GNS: variants seen among roughly 807,000 people sequenced by gnomAD.
GNS encodes the protein glucosamine (N-acetyl)-6-sulfatase.
Under a neutral mutation model 69.7 loss-of-function variants are expected in GNS, and 40 were observed. The ratio of observed to expected loss-of-function variants is 0.57; its 90% CI spans 0.45 to 0.75. The LOEUF (loss-of-function observed/expected upper bound fraction) is 0.75. GNS is among the 30% of genes least tolerant of loss of function. GNS has a pLI of 0.00. For missense variants in GNS, 565 were observed against 685.5 expected (o/e 0.82, Z 1.96); for synonymous variants, 243 against 251.6 (o/e 0.97, Z 0.32).
rs1028132338 is a variant in GNS, at chr12:64,743,283, T to C, written c.650A>G (p.Asp217Gly). 2.5e-6 allele frequency: 4 copies of C among 1,612,852 alleles called. No individual in the cohort carries two copies. Among genetic ancestry groups the C allele is most frequent in the Non-Finnish European group, 3.4e-6 (4 of 1,178,892 alleles). The part of the protein sequence containing the change: ...VLANVSLDFL[D>G]YKSNFEPFFM... ...GAAGGGCTCAAAGTTGGACTTGTAG[T>C]CCAGAAAGTCCAAGGAGACATTAGC... Residue 217 changes from aspartate (D) to glycine (G), a missense_variant, in exon 6 of 14, where the codon GAC becomes GGC. Around this residue, in one of 2 missense-constraint regions of GNS, gnomAD observed 384 missense variants for 511.0 expected, o/e 0.75. Coordinates refer to ENST00000258145, the MANE Select transcript of GNS (RefSeq NM_002076.4).
intron 8 of GNS, among the ~76,000 whole-genome samples, chr12:64,738,169 C>G (rs1034794218): frequency 6.6e-6 from 1 of 152,138 alleles, no homozygotes; most frequent in Non-Finnish European, 1.5e-5. Context: ...GCCACCACAC[C>G]TGGCTAATTT....
chr12:64,720,763 C>T (rs935038293), intron 12 of GNS, among the ~76,000 whole-genome samples: 4 of 152,168 alleles, frequency 2.6e-5, no homozygotes, highest in African/African-American at 9.7e-5. Flanking sequence ...GTACTTTTCC[C>T]TCTATAATCT....
chr12:64,751,221 T>C (rs1248903829), intron 2 of GNS, among the ~76,000 whole-genome samples: 1 of 152,238 alleles, frequency 6.6e-6, no homozygotes, highest in Non-Finnish European at 1.5e-5. Flanking sequence ...TAATTATGAA[T>C]GAGATATTTT....
Position 64,759,382 on chromosome 12 carries a change from T to G in GNS, c.-106A>C. The G allele has an allele frequency of 1.3e-6, 1 of 742,976 alleles. No individual in the cohort carries two copies. Among genetic ancestry groups the G allele is most frequent in the Non-Finnish European group, 2.1e-6 (1 of 468,900 alleles). The allele number at this position is 742,976 out of a possible 1,614,324, so 46.0% of individuals were successfully genotyped here. ...GCCGAAGGAATAAAAAGCCGTGCCT[T>G]GAAGGCCGGTGGCTGGAGTCAGACG... On this transcript the variant is annotated 5_prime_UTR_variant, in exon 1 of 14. Coordinates refer to ENST00000258145, the MANE Select transcript of GNS (RefSeq NM_002076.4).
chr12:64,716,704 C>T lies in GNS; in HGVS notation c.*37G>A, dbSNP rs142001509. 3.2e-5 allele frequency: 39 copies of T among 1,225,562 alleles called. No homozygotes were observed. Among genetic ancestry groups the T allele is most frequent in the East Asian group, 1.2e-4 (5 of 43,162 alleles). The allele number at this position is 1,225,562 out of a possible 1,614,324, so 75.9% of individuals were successfully genotyped here. ...CTACAATCACTTCATCAGAAAGAGG[C>T]GTGCAGGGATCCATCTGCAGAGGCT... On this transcript the variant is annotated 3_prime_UTR_variant, in exon 14 of 14. Coordinates refer to ENST00000258145, the MANE Select transcript of GNS (RefSeq NM_002076.4).
chr12:64,729,122 T>C, intron 9 of GNS, 65 bp from the exon 10 acceptor site: 1 of 859,518 alleles, frequency 1.2e-6, no homozygotes, highest in Non-Finnish European at 2.0e-6. Flanking sequence ...CTACCTATAC[T>C]AAAGTTCTCT....
At chr12:64,731,980 A>T (rs911752637) in intron 9 of GNS, among the ~76,000 whole-genome samples, 1 of 151,922 alleles carries the variant, frequency 6.6e-6, no homozygotes, top group Admixed American at 6.6e-5. Flanking sequence ...AGCTTTGACA[A>T]GACCAAAAAT....
At position 64,722,927 on chromosome 12, in the gene GNS, A is replaced by G. The variant is rs184014046; in HGVS notation, c.1308+79T>C. On this transcript the variant is annotated intron_variant, in intron 11 of 13. Coordinates refer to ENST00000258145, the MANE Select transcript of GNS (RefSeq NM_002076.4). The stretch of plus-strand genomic sequence containing the variant: ...AACAGGACTCAGATGAAAGGTTTCA[A>G]TATTTGACACATGGCAACCAGCACC... 98 of 866,498 alleles carry G rather than the reference A, an allele frequency of 1.1e-4. No individual in the cohort carries two copies. The African/African-American group carries it at 1.4e-3, about 12-fold the overall frequency. 53.7% of individuals were successfully genotyped at this position (866,498 alleles called of 1,614,324 possible).
chr12:64,759,400 G>A lies in GNS; in HGVS notation c.-124C>T. 9.0e-6 allele frequency: 6 copies of A among 667,748 alleles called. No homozygotes were observed. The highest frequency in any genetic ancestry group is 2.8e-5 in the East Asian group (1 of 36,212). 41.4% of individuals were successfully genotyped at this position (667,748 alleles called of 1,614,324 possible). ...CGTGCCTTGAAGGCCGGTGGCTGGA[G>A]TCAGACGTTTTCTCCCTAGGCGCGA... On this transcript the variant is annotated 5_prime_UTR_variant, in exon 1 of 14. Transcript: ENST00000258145.
intron 11 of GNS, among the ~76,000 whole-genome samples, chr12:64,722,329 T>C (rs1271119314): frequency 6.6e-6 from 1 of 152,150 alleles, no homozygotes; most frequent in Non-Finnish European, 1.5e-5. Flanking sequence ...AAATGACTCA[T>C]TTCTAAGAGC....
At chr12:64,758,610 A>G (rs2136258466) in intron 1 of GNS, among the ~76,000 whole-genome samples, 1 of 152,136 alleles carries the variant, frequency 6.6e-6, no homozygotes, top group Admixed American at 6.5e-5. Flanking sequence ...TGAGTGACAC[A>G]CCGCGCCCGG....
intron 10 of GNS, among the ~76,000 whole-genome samples, chr12:64,725,537 T>C (rs1455112555): frequency 1.3e-5 from 2 of 152,206 alleles, no homozygotes; most frequent in Non-Finnish European, 2.9e-5. Context: ...ACATGGCTAA[T>C]TAACTGTTCT....
chr12:64,735,231 G>A (rs936149264), intron 9 of GNS, among the ~76,000 whole-genome samples: 6 of 152,222 alleles, frequency 3.9e-5, no homozygotes, highest in African/African-American at 1.2e-4. Context: ...GAACTATAAT[G>A]TAATGGTTAA....
chr12:64,749,315 C>T (rs866518052), intron 2 of GNS, among the ~76,000 whole-genome samples: 26 of 135,780 alleles, frequency 1.9e-4, no homozygotes, highest in African/African-American at 5.4e-4. Flanking sequence ...TGCAGTGGCG[C>T]GATCTCAGCT....
chr12:64,726,014 A>G (rs1314540136), intron 10 of GNS, among the ~76,000 whole-genome samples: 6 of 150,870 alleles, frequency 4.0e-5, no homozygotes, highest in Non-Finnish European at 8.9e-5. Flanking sequence ...AAAAAAAAAA[A>G]AAAAAAAGAA....
At chr12:64,731,372 C>G in intron 9 of GNS, among the ~76,000 whole-genome samples, 1 of 152,214 alleles carries the variant, frequency 6.6e-6, no homozygotes, top group Non-Finnish European at 1.5e-5. Flanking sequence ...CCACTGCACC[C>G]AGCCGAGGCT....
At chr12:64,756,064 A>G (rs1477012275) in intron 1 of GNS, among the ~76,000 whole-genome samples, 1 of 152,232 alleles carries the variant, frequency 6.6e-6, no homozygotes, top group African/African-American at 2.4e-5. Context: ...AGTGATAAGA[A>G]CAGTGTCCTG....
chr12:64,744,858 G>T lies in GNS; in HGVS notation c.575C>A (p.Ala192Glu). The change falls in exon 5 of 14, where the codon GCA becomes GAA. Residue 192 changes from alanine to glutamate, a missense_variant. Transcript: ENST00000258145. ...YNYTLSINGK[A>E]RKHGENYSVD... ...ACTATAGTTTTCACCATGCTTCCGT[G>T]CCTTCCCATTGATAGACAGGGTGTA... is the stretch of plus-strand genomic sequence containing the variant. 2 of 1,569,782 alleles carry T rather than the reference G, an allele frequency of 1.3e-6. No individual in the cohort carries two copies. Among genetic ancestry groups the T allele is most frequent in the Non-Finnish European group, 1.8e-6 (2 of 1,139,636 alleles).
Position 64,722,816 on chromosome 12 carries a change from T to A in GNS, c.1308+190A>T, listed in dbSNP as rs563034300. 8.3e-6 allele frequency: 5 copies of A among 600,386 alleles called. No homozygotes were observed. In the Admixed American group the frequency reaches 1.0e-4, roughly 12 times the overall value. The allele number at this position is 600,386 out of a possible 1,614,324, so 37.2% of individuals were successfully genotyped here. On this transcript the variant is annotated intron_variant, in intron 11 of 13. Transcript: ENST00000258145. The stretch of plus-strand genomic sequence containing the variant: ...AAATTGGAAGATTAACAGTGCACAT[T>A]CTGATGACAGGTCAGCAGCATCATT...
Sources: allele counts gnomAD v4.1 joint callset (sites outside exome capture counted in the v4.1 genomes callset), GRCh38; gene constraint gnomAD v4.1.1; regional missense constraint gnomAD v4.1.1; transcripts MANE v1.5; gene names NCBI Gene and HGNC (gene_info 2026-07-23, HGNC 2026-07-21).